The following ZNF503 variants were observed in gnomAD, a reference collection of about 807,000 sequenced individuals.
ZNF503 encodes the protein NocA-like zinc finger 2.
ZNF503 carries 15 observed loss-of-function variants against 34.4 expected under a neutral mutation model. The observed-to-expected ratio is 0.44, with a 90% CI of 0.29 to 0.67. ZNF503 has a LOEUF of 0.67. Among genes scored for constraint, ZNF503 ranks in the 30% least tolerant of loss-of-function variants. ZNF503 has a pLI of 0.13. For synonymous variants in ZNF503, 580 were observed against 456.8 expected (o/e 1.27, Z -3.44); for missense variants, 1,007 against 926.8 (o/e 1.09, Z -1.12).
chr10:75,394,182 CA>C (rs1843672698), downstream of ZNF503, among the ~76,000 whole-genome samples: 2 of 152,232 alleles, frequency 1.3e-5, no homozygotes, highest in Non-Finnish European at 2.9e-5. Context: ...GGTACAAGTG[CA>C]GGTTTGTTAC....
At chr10:75,345,326 C>G in the ZNF503 span, among the ~76,000 whole-genome samples, 4 of 152,082 alleles carry the variant, frequency 2.6e-5, no homozygotes, top group African/African-American at 9.7e-5. Context: ...GTCAGTCTCT[C>G]TAAGACCCTC....
the ZNF503 span, among the ~76,000 whole-genome samples, chr10:75,354,737 A>T: frequency 6.6e-6 from 1 of 152,118 alleles, no homozygotes; most frequent in Non-Finnish European, 1.5e-5. Context: ...AAACAAACAA[A>T]AAAAAACTTG....
the ZNF503 span, among the ~76,000 whole-genome samples, chr10:75,347,939 T>G: frequency 6.6e-6 from 1 of 152,156 alleles, no homozygotes; most frequent in Middle Eastern, 3.2e-3. Flanking sequence ...AGTGGAGTGC[T>G]GTGGCATGAT....
chr10:75,398,985 T>C lies in ZNF503; in HGVS notation c.1705A>G (p.Met569Val). Residue 569 changes from methionine to valine, a missense_variant, in exon 2 of 2, where the codon ATG (methionine) becomes GTG (valine). Coordinates refer to ENST00000372524, the MANE Select transcript of ZNF503 (RefSeq NM_032772.6). ...GTGGGGATGTGCATGTGGCAAGCCATGGCGGCCGCGGCAGCGCTGGCCAGA... is the reference window on the plus strand; with the variant it reads ...GTGGGGATGTGCATGTGGCAAGCCACGGCGGCCGCGGCAGCGCTGGCCAGA... ...SSLASAAAAAMACHMHIPTSG... is the reference protein window; with the variant it reads ...SSLASAAAAAVACHMHIPTSG... The C allele has an allele frequency of 1.9e-6, 3 of 1,605,698 alleles. No individual in the cohort carries two copies. Among genetic ancestry groups the C allele is most frequent in the Non-Finnish European group, 1.7e-6 (2 of 1,179,224 alleles).
chr10:75,342,724 C>G, the ZNF503 span, among the ~76,000 whole-genome samples: 1 of 152,012 alleles, frequency 6.6e-6, no homozygotes, highest in African/African-American at 2.4e-5. Context: ...CTTTGATACA[C>G]GAGTTGTCCC....
the ZNF503 span, among the ~76,000 whole-genome samples, chr10:75,364,432 T>C: frequency 0.054 from 8,215 of 152,182 alleles, 742 homozygotes; most frequent in African/African-American, 0.19. Context: ...CCAAGAAACA[T>C]GAAAGCTCTC....
the ZNF503 span, among the ~76,000 whole-genome samples, chr10:75,296,090 G>C: frequency 6.6e-6 from 1 of 152,216 alleles, no homozygotes; most frequent in African/African-American, 2.4e-5. Flanking sequence ...TTATAGCCCC[G>C]TGGTAATAAA....
chr10:75,364,719 T>C, the ZNF503 span, among the ~76,000 whole-genome samples: 2 of 152,124 alleles, frequency 1.3e-5, no homozygotes, highest in African/African-American at 2.4e-5. Flanking sequence ...AAAAAAAAAT[T>C]TGTGGGAAAT....
the ZNF503 span, among the ~76,000 whole-genome samples, chr10:75,293,619 C>CG: frequency 6.6e-6 from 1 of 151,842 alleles, no homozygotes; most frequent in African/African-American, 2.4e-5. Flanking sequence ...GAGTGCCCCC[C>CG]CCGTCCACTC....
At chr10:75,284,840 CAG>C in the ZNF503 span, among the ~76,000 whole-genome samples, 2 of 152,152 alleles carry the variant, frequency 1.3e-5, no homozygotes, top group Non-Finnish European at 2.9e-5. Flanking sequence ...TTATTTTAAA[CAG>C]AGAATGCAAT....
At chr10:75,379,833 G>A in the ZNF503 span, among the ~76,000 whole-genome samples, 1 of 152,182 alleles carries the variant, frequency 6.6e-6, no homozygotes, top group Non-Finnish European at 1.5e-5. Flanking sequence ...AAGCGTGGAC[G>A]CAAATTTCAT....
At chr10:75,290,344 G>A in the ZNF503 span, among the ~76,000 whole-genome samples, 10 of 152,306 alleles carry the variant, frequency 6.6e-5, no homozygotes, top group East Asian at 1.9e-4. Flanking sequence ...CAGCTGGGAC[G>A]TTGGCTGGGC....
chr10:75,328,229 G>T, the ZNF503 span, among the ~76,000 whole-genome samples: 1 of 151,970 alleles, frequency 6.6e-6, no homozygotes, highest in Non-Finnish European at 1.5e-5. Flanking sequence ...TCATCATTTT[G>T]GGTCTTACAT....
At chr10:75,295,895 C>G in the ZNF503 span, among the ~76,000 whole-genome samples, 3 of 151,932 alleles carry the variant, frequency 2.0e-5, no homozygotes, top group African/African-American at 7.3e-5. The surrounding 1 kb of genome is among the most constrained non-coding windows in gnomAD (Gnocchi z 4.0). Flanking sequence ...GAGAGAGAGA[C>G]AAAGTCAGGA....
At chr10:75,379,916 T>A in the ZNF503 span, among the ~76,000 whole-genome samples, 2 of 152,136 alleles carry the variant, frequency 1.3e-5, no homozygotes, top group Non-Finnish European at 2.9e-5. Flanking sequence ...CCTCATCACG[T>A]GCTTCTTCCA....
the ZNF503 span, among the ~76,000 whole-genome samples, chr10:75,333,568 A>G: frequency 2.5e-3 from 107 of 42,920 alleles, no homozygotes; most frequent in Middle Eastern, 0.024. Flanking sequence ...CGGACGGGGC[A>G]GCTGGCCGGG....
At chr10:75,386,721 C>G in the ZNF503 span, among the ~76,000 whole-genome samples, 1 of 152,334 alleles carries the variant, frequency 6.6e-6, no homozygotes, top group Admixed American at 6.5e-5. Flanking sequence ...AAGAACAAGA[C>G]ATGATCTTTC....
the ZNF503 span, among the ~76,000 whole-genome samples, chr10:75,386,566 C>T: frequency 6.6e-6 from 1 of 152,196 alleles, no homozygotes; most frequent in Non-Finnish European, 1.5e-5. Flanking sequence ...TGTCCTGCAG[C>T]TTCTCCCTTG....
the ZNF503 span, among the ~76,000 whole-genome samples, chr10:75,293,007 G>A: frequency 6.6e-6 from 1 of 152,236 alleles, no homozygotes. Flanking sequence ...AGATGTTCAA[G>A]GAAGAGAGAA....
Sources: allele counts gnomAD v4.1 joint callset (sites outside exome capture counted in the v4.1 genomes callset), GRCh38; gene constraint gnomAD v4.1.1; non-coding constraint Gnocchi (gnomAD v3.1); transcripts MANE v1.5; gene names NCBI Gene and HGNC (gene_info 2026-07-23, HGNC 2026-07-21).